DSCAM: variants seen among roughly 807,000 people sequenced by gnomAD.
DSCAM encodes cell adhesion molecule DSCAM.
Under a neutral mutation model 217.7 loss-of-function variants are expected in DSCAM, and 47 were observed. That is an observed-to-expected ratio of 0.22 (90% CI 0.17 to 0.28). The LOEUF (loss-of-function observed/expected upper bound fraction) is 0.28, where lower values mean the gene tolerates loss of function less well. Among genes scored for constraint, DSCAM ranks in the 10% least tolerant of loss-of-function variants. The probability of loss-of-function intolerance (pLI) is 1.00; values close to 1 mark genes in which losing one functional copy is unlikely to be tolerated. For synonymous variants in DSCAM, 1,056 were observed against 1,015.3 expected (o/e 1.04, Z -0.76); for missense variants, 2,080 against 2,618.3 (o/e 0.79, Z 4.49).
chr21:40,332,243 A>G (rs2074385079), intron 8 of DSCAM, among the ~76,000 whole-genome samples: 2 of 151,774 alleles, frequency 1.3e-5, no homozygotes, highest in African/African-American at 4.8e-5. Flanking sequence ...CTTTGTATTC[A>G]TTTCTCCCCA....
chr21:40,342,154 G>C (rs2123602755), intron 6 of DSCAM, among the ~76,000 whole-genome samples: 1 of 151,984 alleles, frequency 6.6e-6, no homozygotes, highest in African/African-American at 2.4e-5. Flanking sequence ...TTTTGTTTTT[G>C]ATTTGTTGTG....
intron 3 of DSCAM, among the ~76,000 whole-genome samples, chr21:40,389,710 C>T (rs2075116982): frequency 6.6e-6 from 1 of 152,162 alleles, no homozygotes; most frequent in South Asian, 2.1e-4. Flanking sequence ...CTGTTACCAT[C>T]GCAGAATGGA....
chr21:40,367,808 C>T (rs1457425421), intron 4 of DSCAM, among the ~76,000 whole-genome samples: 1 of 152,118 alleles, frequency 6.6e-6, no homozygotes, highest in Non-Finnish European at 1.5e-5. Context: ...TATGATATTC[C>T]CTGGCTGGAT....
At chr21:40,101,739 T>C (rs2089754085) in intron 20 of DSCAM, among the ~76,000 whole-genome samples, 1 of 151,778 alleles carries the variant, frequency 6.6e-6, no homozygotes, top group African/African-American at 2.4e-5. Context: ...CCATCTCAAA[T>C]ACTATTCTTA....
chr21:40,281,151 G>C (rs1369851263), intron 10 of DSCAM, among the ~76,000 whole-genome samples: 1 of 152,176 alleles, frequency 6.6e-6, no homozygotes, highest in African/African-American at 2.4e-5. Flanking sequence ...CTAAATTGGG[G>C]TAATTTGTTA....
intron 3 of DSCAM, among the ~76,000 whole-genome samples, chr21:40,455,518 G>A (rs1032578915): frequency 2.0e-5 from 3 of 152,200 alleles, no homozygotes; most frequent in African/African-American, 7.2e-5. Context: ...TGTAATCCCA[G>A]CACTTTGGGA....
intron 11 of DSCAM, among the ~76,000 whole-genome samples, chr21:40,191,296 G>A (rs945196131): frequency 6.6e-6 from 1 of 152,112 alleles, no homozygotes; most frequent in African/African-American, 2.4e-5. Context: ...GCAGAGATGT[G>A]CCCCACAGCA....
chr21:40,800,708 TTACTTTC>T (rs922449859), intron 1 of DSCAM, among the ~76,000 whole-genome samples: 1 of 146,076 alleles, frequency 6.8e-6, no homozygotes, highest in African/African-American at 2.6e-5. Flanking sequence ...TTCTTCTTTC[TTACTTTC>T]TTTTTTTTTT....
chr21:40,517,095 C>T (rs943458295), intron 3 of DSCAM, among the ~76,000 whole-genome samples: 1 of 147,744 alleles, frequency 6.8e-6, no homozygotes, highest in Non-Finnish European at 1.5e-5. Context: ...TATGCACTCA[C>T]ATATATACCC....
At chr21:40,637,699 G>T (rs1601812508) in intron 3 of DSCAM, among the ~76,000 whole-genome samples, 1 of 135,606 alleles carries the variant, frequency 7.4e-6, no homozygotes, top group African/African-American at 2.8e-5. Flanking sequence ...TGGAGACAGA[G>T]TCTCACTCTG....
chr21:40,427,873 T>C (rs1331199957), intron 3 of DSCAM, among the ~76,000 whole-genome samples: 1 of 152,244 alleles, frequency 6.6e-6, no homozygotes, highest in Admixed American at 6.5e-5. Context: ...GTGTTCTGGA[T>C]GAATATCAGC....
intron 1 of DSCAM, among the ~76,000 whole-genome samples, chr21:40,808,131 A>G (rs2091804516): frequency 1.3e-5 from 2 of 152,288 alleles, no homozygotes; most frequent in African/African-American, 4.8e-5. Flanking sequence ...GCCCAACTCA[A>G]TTTGGGACAA....
chr21:40,800,715 C>CTTTTTT lies in DSCAM; in HGVS notation c.43+45898_43+45903dup, dbSNP rs34391500. Among the ~76,000 whole-genome samples, 11 of 131,070 alleles carry CTTTTTT rather than the reference C, an allele frequency of 8.4e-5. No individual in the cohort carries two copies. The East Asian group carries it at 1.4e-3, about 17-fold the overall frequency. 86.0% of individuals were successfully genotyped at this position (131,070 alleles called of 152,430 possible). On this transcript the variant is annotated intron_variant, in intron 1 of 32. Coordinates refer to ENST00000400454, the MANE Select transcript of DSCAM (RefSeq NM_001389.5). Reference sequence around the variant, plus strand: ...TTTCTTCTTTCTTCTTTCTTACTTTCTTTTTTTTTTTTTTTTTTTAAACGG... The same window carrying CTTTTTT: ...TTTCTTCTTTCTTCTTTCTTACTTTCTTTTTTTTTTTTTTTTTTTTTTTTTAAACGG...
intron 3 of DSCAM, among the ~76,000 whole-genome samples, chr21:40,422,323 A>G (rs1490936672): frequency 6.6e-6 from 1 of 152,216 alleles, no homozygotes; most frequent in Non-Finnish European, 1.5e-5. Context: ...GTGCCTGGAT[A>G]GAAAGCTTTG....
At chr21:40,780,446 T>TATATATATATATA (rs1555888075) in intron 1 of DSCAM, among the ~76,000 whole-genome samples, 4 of 144,516 alleles carry the variant, frequency 2.8e-5, no homozygotes, top group African/African-American at 1.0e-4. Context: ...TATATATATA[T>TATATATATATATA]ATCTCCTGTT....
At chr21:40,330,308 TAATA>T (rs1292613617) in intron 8 of DSCAM, among the ~76,000 whole-genome samples, 1 of 147,274 alleles carries the variant, frequency 6.8e-6, no homozygotes, top group Non-Finnish European at 1.5e-5. Context: ...TATTTATATA[TAATA>T]AATTATATAT....
rs1270552137 is a variant in DSCAM, at chr21:40,016,443, A to G, written c.5687-3057T>C. ...TGCTGAGTTTGATGCAGCTGGGGACATTCAAGACAAGATATCTAGTAGGTA... is the reference window on the plus strand; with the variant it reads ...TGCTGAGTTTGATGCAGCTGGGGACGTTCAAGACAAGATATCTAGTAGGTA... On this transcript the variant is annotated intron_variant, in intron 32 of 32. Transcript: ENST00000400454. This position sits in a 1 kb window ranked among gnomAD's most constrained non-coding sequence, Gnocchi z 4.3. Among the ~76,000 whole-genome samples, 2 of 152,238 alleles carry G rather than the reference A, an allele frequency of 1.3e-5. No homozygotes were observed. Among genetic ancestry groups the G allele is most frequent in the Non-Finnish European group, 2.9e-5 (2 of 68,042 alleles).
At chr21:40,065,356 T>C (rs1428164503) in intron 27 of DSCAM, among the ~76,000 whole-genome samples, 1 of 151,884 alleles carries the variant, frequency 6.6e-6, no homozygotes, top group Non-Finnish European at 1.5e-5. Context: ...CATATCCCCA[T>C]AGAGAGAGTG....
intron 3 of DSCAM, among the ~76,000 whole-genome samples, chr21:40,572,045 A>C (rs867616233): frequency 1.3e-5 from 2 of 151,916 alleles, no homozygotes; most frequent in Admixed American, 6.6e-5. Context: ...TTCTGGTACC[A>C]AGCACTTGGG....
Sources: allele counts gnomAD v4.1 joint callset (sites outside exome capture counted in the v4.1 genomes callset), GRCh38; gene constraint gnomAD v4.1.1; non-coding constraint Gnocchi (gnomAD v3.1); transcripts MANE v1.5; gene names NCBI Gene and HGNC (gene_info 2026-07-23, HGNC 2026-07-21).